The following TOP2A variants were observed in gnomAD, a reference collection of about 807,000 sequenced individuals.
TOP2A encodes DNA topoisomerase II alpha, also known as DNA topoisomerase 2-alpha.
TOP2A carries 68 observed loss-of-function variants against 187.2 expected under a neutral mutation model. That is an observed-to-expected ratio of 0.36 (90% CI 0.30 to 0.44). The LOEUF is 0.44. Among genes scored for constraint, TOP2A ranks in the 20% least tolerant of loss-of-function variants. The pLI is 1.00. For synonymous variants in TOP2A, 542 were observed against 593.2 expected (o/e 0.91, Z 1.25); for missense variants, 1,196 against 1,808.7 (o/e 0.66, Z 6.14).
At chr17:40,410,530 C>T (rs924594365) in intron 10 of TOP2A, 70 of 402,194 alleles carry the variant, frequency 1.7e-4, no homozygotes, top group South Asian at 3.0e-4. Flanking sequence ...CACTCAAAAG[C>T]ATTCCAAGGA....
rs2143647348 is a variant in TOP2A, at chr17:40,400,372, C to T, written c.2837G>A (p.Gly946Asp). The T allele has an allele frequency of 6.2e-7, 1 of 1,613,172 alleles. No individual in the cohort carries two copies. The change falls in exon 23 of 35, where the codon GGC becomes GAC. Residue 946 changes from glycine (G) to aspartate (D), a missense_variant. Transcript: ENST00000423485. ...TATGAGAGGAGGTGTCTTCTCGGTG[C>T]CATTCAACATGGGTTCTAGAACTTG... Reference protein sequence around the residue: ...KEQVLEPMLNGTEKTPPLITD... With the variant: ...KEQVLEPMLNDTEKTPPLITD...
At chr17:40,395,594 TAG>T in intron 28 of TOP2A, 55 bp from the exon 29 acceptor site, 1 of 1,326,506 alleles carries the variant, frequency 7.5e-7, no homozygotes, top group South Asian at 1.3e-5. Context: ...ACTATGGGAT[TAG>T]AGATTTTATA....
chr17:40,406,628 C>G lies in TOP2A; in HGVS notation c.1799G>C (p.Ser600Thr). The G allele has an allele frequency of 6.2e-7, 1 of 1,612,474 alleles. No individual in the cohort carries two copies. The change falls in exon 15 of 35, where the codon AGT becomes ACT. Residue 600 changes from serine to threonine, a missense_variant. By Grantham distance (58) the Ser-to-Thr change is moderately conservative. Around this residue, in one of 10 missense-constraint regions of TOP2A, gnomAD observed 209 missense variants for 376.9 expected, o/e 0.55. Coordinates refer to ENST00000423485, the MANE Select transcript of TOP2A (RefSeq NM_001067.4). ...CCATTTTTTATGATTTGGAGTAGAACTCTTCCACTCTTCAAATTCAGGAAG... is the reference window on the plus strand; with the variant it reads ...CCATTTTTTATGATTTGGAGTAGAAGTCTTCCACTCTTCAAATTCAGGAAG... The part of the protein sequence containing the change: ...YSLPEFEEWK[S>T]STPNHKKWKV...
chr17:40,417,223 TATA>T (rs1438645272), intron 1 of TOP2A, among the ~76,000 whole-genome samples: 1 of 152,164 alleles, frequency 6.6e-6, no homozygotes, highest in Non-Finnish European at 1.5e-5. Context: ...TGCCTATTAT[TATA>T]AATTATTTAC....
chr17:40,415,907 A>G, intron 4 of TOP2A, 98 bp downstream of exon 4: 2 of 822,018 alleles, frequency 2.4e-6, no homozygotes, highest in Middle Eastern at 2.3e-4. Context: ...TACTTTTCTC[A>G]ACTTCTGTTT....
At chr17:40,415,774 C>T (rs1212230893) in intron 4 of TOP2A, among the ~76,000 whole-genome samples, 1 of 151,972 alleles carries the variant, frequency 6.6e-6, no homozygotes, top group Non-Finnish European at 1.5e-5. Context: ...TAGCAAGACC[C>T]CTTCCTCTAA....
chr17:40,394,988 T>C (rs1487909806), intron 29 of TOP2A, among the ~76,000 whole-genome samples: 2 of 152,168 alleles, frequency 1.3e-5, no homozygotes, highest in East Asian at 3.9e-4. Context: ...CCAAGGACGA[T>C]ATTAAAGAGG....
At chr17:40,397,778 ATTT>A (rs1379272976) in intron 27 of TOP2A, among the ~76,000 whole-genome samples, 2 of 136,624 alleles carry the variant, frequency 1.5e-5, no homozygotes, top group African/African-American at 2.7e-5. Flanking sequence ...TCTAAATAGT[ATTT>A]TTTTTTTTTT....
Position 40,389,313 on chromosome 17 carries a change from A to C in TOP2A, c.*206T>G, listed in dbSNP as rs1309385875. The C allele has an allele frequency of 2.1e-6, 1 of 466,930 alleles. No individual in the cohort carries two copies. Among genetic ancestry groups the C allele is most frequent in the Non-Finnish European group, 3.7e-6 (1 of 271,410 alleles). The allele number at this position is 466,930 out of a possible 1,614,324, so 28.9% of individuals were successfully genotyped here. On this transcript the variant is annotated 3_prime_UTR_variant, in exon 35 of 35. Transcript: ENST00000423485. ...ACTCAAAACACAGACAAAGCAGAGA[A>C]GAAAACAATGCCCATGAGATGGTCA...
In TOP2A at chr17:40,391,505, C is replaced by T. The variant is rs1177643565; in HGVS notation, c.4267+1G>A. 7 of 1,607,952 alleles carry T rather than the reference C, an allele frequency of 4.4e-6. No individual in the cohort carries two copies. Among genetic ancestry groups the T allele is most frequent in the Non-Finnish European group, 1.7e-6 (2 of 1,178,068 alleles). On this transcript the variant is annotated splice_donor_variant, in intron 33 of 34. Coordinates refer to ENST00000423485, the MANE Select transcript of TOP2A (RefSeq NM_001067.4). LOFTEE classifies it high-confidence loss of function. ...AACCCATCTCAAAGATTTAGGCTTA[C>T]TTTTTGCTGCTGTCTTCTTCACTGT... is the stretch of plus-strand genomic sequence containing the variant.
At chr17:40,412,729 A>C in intron 7 of TOP2A, 30 bp downstream of exon 7, 1 of 1,569,240 alleles carries the variant, frequency 6.4e-7, no homozygotes, top group Non-Finnish European at 8.8e-7. Context: ...AAAATCCCTT[A>C]TTATCCTTAA....
At position 40,417,807 on chromosome 17, in the gene TOP2A, G is replaced by A. The variant is rs776535962; in HGVS notation, c.-16C>T. 1.2e-6 allele frequency: 2 copies of A among 1,613,556 alleles called. No homozygotes were observed. Among genetic ancestry groups the A allele is most frequent in the East Asian group, 2.2e-5 (1 of 44,868 alleles). ...ACACTTCCATGGTGACGGTCGTGAA[G>A]GGGCTCAAGAACCCTGAAAGCGACT... On this transcript the variant is annotated 5_prime_UTR_variant, in exon 1 of 35. Transcript: ENST00000423485.
At chr17:40,397,351 T>C (rs550650453) in intron 27 of TOP2A, among the ~76,000 whole-genome samples, 1 of 149,992 alleles carries the variant, frequency 6.7e-6, no homozygotes, top group South Asian at 2.1e-4. Context: ...AGTGGCGCAA[T>C]CTCGGCTCAC....
chr17:40,398,148 G>A (rs1598610860), intron 27 of TOP2A, among the ~76,000 whole-genome samples: 1 of 116,826 alleles, frequency 8.6e-6, no homozygotes, highest in Non-Finnish European at 1.7e-5. Flanking sequence ...GAGTCTTGCT[G>A]TGTTGCCTAG....
Position 40,392,707 on chromosome 17 carries a change from G to A in TOP2A, c.3842C>T (p.Ala1281Val), listed in dbSNP as rs1170477898. Reference sequence around the variant, plus strand: ...CTTTCCTTTTTTGATTGGCTTAAATGCCAATGTAGTTTGTTTCTTTGTCTT... The same window carrying A: ...CTTTCCTTTTTTGATTGGCTTAAATACCAATGTAGTTTGTTTCTTTGTCTT... ...GTKTKKQTTL[A>V]FKPIKKGKKR... Residue 1281 changes from alanine to valine, a missense_variant, in exon 30 of 35, where the codon GCA becomes GTA. Ala to Val is a moderately conservative substitution (Grantham distance 64). Coordinates refer to ENST00000423485, the MANE Select transcript of TOP2A (RefSeq NM_001067.4). 1.2e-6 allele frequency: 2 copies of A among 1,612,086 alleles called. No individual in the cohort carries two copies. Among genetic ancestry groups the A allele is most frequent in the Non-Finnish European group, 1.7e-6 (2 of 1,179,696 alleles).
rs1307184656 is a variant in TOP2A at position 40,411,973 on chromosome 17, C to G, written c.790-155G>C. On this transcript the variant is annotated intron_variant, in intron 7 of 34. Coordinates refer to ENST00000423485, the MANE Select transcript of TOP2A (RefSeq NM_001067.4). The surrounding 1 kb of genome is among the most constrained non-coding windows in gnomAD (Gnocchi z 4.4). ...GACACAGGCCGAGGTGGGTGGATCA[C>G]TTGAGCCCAGGAGTTCAAGACCACC... is the stretch of plus-strand genomic sequence containing the variant. Among the ~76,000 whole-genome samples the G allele has an allele frequency of 6.6e-6, 1 of 152,100 alleles. No homozygotes were observed. The highest frequency in any genetic ancestry group is 1.5e-5 in the Non-Finnish European group (1 of 68,022).
chr17:40,396,206 A>G, intron 28 of TOP2A, 77 bp downstream of exon 28: 2 of 752,602 alleles, frequency 2.7e-6, no homozygotes, highest in Non-Finnish European at 4.3e-6. Context: ...GTCTTGAACC[A>G]CTGACCTCAA....
In TOP2A at chr17:40,389,275, C is replaced by T. The variant is rs2034993747; in HGVS notation, c.*244G>A. 2.8e-6 allele frequency: 1 copy of T among 359,004 alleles called. No individual in the cohort carries two copies. Among genetic ancestry groups the T allele is most frequent in the Non-Finnish European group, 5.0e-6 (1 of 198,478 alleles). The allele number at this position is 359,004 out of a possible 1,614,324, so 22.2% of individuals were successfully genotyped here. A position where few individuals can be genotyped will look rare whatever the true frequency, so the allele number is the denominator to read the frequency against. ...GAACTTAAAAATCAGGTTTTAAAGA[C>T]AAAAGAAAGCAGACTCAAAACACAG... On this transcript the variant is annotated 3_prime_UTR_variant, in exon 35 of 35. Transcript: ENST00000423485.
At position 40,389,639 on chromosome 17, in the gene TOP2A, C is replaced by A; in HGVS notation, c.4476G>T (p.Lys1492Asn). 1 of 1,608,904 alleles carries A rather than the reference C, an allele frequency of 6.2e-7. No individual in the cohort carries two copies. The change falls in exon 35 of 35, where the codon AAG becomes AAT. Residue 1492 changes from lysine to asparagine, a missense_variant. Transcript: ENST00000423485. ...CCATATGGAAGTCATCACTCTCCCCCTTGGATTTCTAAAAGAGAAAAGCCC... is the reference window on the plus strand; with the variant it reads ...CCATATGGAAGTCATCACTCTCCCCATTGGATTTCTAAAAGAGAAAAGCCC... Reference protein sequence around the residue: ...VSKAVTSKKSKGESDDFHMDF... With the variant: ...VSKAVTSKKSNGESDDFHMDF...
Sources: allele counts gnomAD v4.1 joint callset (sites outside exome capture counted in the v4.1 genomes callset), GRCh38; gene constraint gnomAD v4.1.1; regional missense constraint gnomAD v4.1.1; non-coding constraint Gnocchi (gnomAD v3.1); transcripts MANE v1.5; gene names NCBI Gene and HGNC (gene_info 2026-07-23, HGNC 2026-07-21).